Variants in SEMA3B observed in about 807,000 individuals in gnomAD.
The protein encoded by SEMA3B is semaphorin-3B.
Under a neutral mutation model 77.8 loss-of-function variants are expected in SEMA3B, and 71 were observed. The observed-to-expected ratio is 0.91, with a 90% CI of 0.75 to 1.11. The LOEUF is 1.11. Ranked by LOEUF, SEMA3B falls within the 50% of genes most tolerant of loss-of-function variation. The pLI, the probability that SEMA3B is intolerant of heterozygous loss-of-function variation, is 0.00. For synonymous variants in SEMA3B, 470 were observed against 452.9 expected, an observed-to-expected ratio of 1.04 and a Z score of -0.48; for missense variants, 968 against 1,056.8, an observed-to-expected ratio of 0.92 and a Z score of 1.17.
chr3:50,273,145 G>A lies in SEMA3B; in HGVS notation c.665-153G>A, dbSNP rs1407308901. On this transcript the variant is annotated intron_variant, in intron 6 of 16. Coordinates refer to ENST00000616701, the MANE Select transcript of SEMA3B (RefSeq NM_001290060.2). This position sits in a 1 kb window ranked among gnomAD's most constrained non-coding sequence, Gnocchi z 6.5. ...TGATCCTTTGGATTCGGTCCGCGCA[G>A]AGCGCCAACTGGACATGGTGCTAGA... is the stretch of plus-strand genomic sequence containing the variant. 1.6e-6 allele frequency: 2 copies of A among 1,218,304 alleles called. No homozygotes were observed. Among genetic ancestry groups the A allele is most frequent in the South Asian group, 1.6e-5 (1 of 62,916 alleles). 75.5% of individuals were successfully genotyped at this position (1,218,304 alleles called of 1,614,324 possible). A position where few individuals can be genotyped will look rare whatever the true frequency, so the allele number is the denominator to read the frequency against.
At position 50,274,043 on chromosome 3, in the gene SEMA3B, C is replaced by T; in HGVS notation, c.1123C>T (p.Pro375Ser). The change falls in exon 10 of 17, where the codon CCG (proline) becomes TCG (serine). Residue 375 changes from proline to serine, a missense_variant. Physicochemically the swap from Pro to Ser is moderately conservative, Grantham distance 74. Coordinates refer to ENST00000616701, the MANE Select transcript of SEMA3B (RefSeq NM_001290060.2). The surrounding 1 kb of genome is among the most constrained non-coding windows in gnomAD (Gnocchi z 4.7). ...GTCATACCAGGGTCGCGTCCCCTACCCGCGGCCAGGCATGGTTCGTAGCCC... is the reference window on the plus strand; with the variant it reads ...GTCATACCAGGGTCGCGTCCCCTACTCGCGGCCAGGCATGGTTCGTAGCCC... Reference protein sequence around the residue: ...WVSYQGRVPYPRPGMCPSKTF... With the variant: ...WVSYQGRVPYSRPGMCPSKTF... 6.2e-7 allele frequency: 1 copy of T among 1,613,454 alleles called. No individual in the cohort carries two copies. The highest frequency in any genetic ancestry group is 8.5e-7 in the Non-Finnish European group (1 of 1,179,726).
chr3:50,261,574 C>G, the SEMA3B span: 1 of 152,418 alleles, frequency 6.6e-6, no homozygotes, highest in Non-Finnish European at 1.5e-5. Context: ...GCCTAGACAC[C>G]CCCCCTGTAC....
chr3:50,273,236 G>A lies in SEMA3B; in HGVS notation c.665-62G>A, dbSNP rs1218280204. 3.2e-6 allele frequency: 5 copies of A among 1,556,330 alleles called. No homozygotes were observed. The highest frequency in any genetic ancestry group is 4.3e-6 in the Non-Finnish European group (5 of 1,149,794). On this transcript the variant is annotated intron_variant, in intron 6 of 16. Transcript: ENST00000616701. This position sits in a 1 kb window ranked among gnomAD's most constrained non-coding sequence, Gnocchi z 6.5. ...GCACTACGGGAAGGGGAAGCAGCGCGTGGGTCTCGCATCAGGAGGCAAGGC... is the reference window on the plus strand; with the variant it reads ...GCACTACGGGAAGGGGAAGCAGCGCATGGGTCTCGCATCAGGAGGCAAGGC...
At position 50,270,548 on chromosome 3, in the gene SEMA3B, G is replaced by T; in HGVS notation, c.330+53G>T. On this transcript the variant is annotated intron_variant, in intron 3 of 16. Transcript: ENST00000616701. The surrounding 1 kb of genome is among the most constrained non-coding windows in gnomAD (Gnocchi z 4.7). ...TGGGGAGGGTCAGCCCCTCACCCCA[G>T]AGACAGGGCAGGGCTAAAACAGAGG... 1 of 1,610,438 alleles carries T rather than the reference G, an allele frequency of 6.2e-7. No homozygotes were observed. Among genetic ancestry groups the T allele is most frequent in the South Asian group, 1.1e-5 (1 of 91,010 alleles).
upstream of SEMA3B, among the ~76,000 whole-genome samples, chr3:50,265,075 G>A (rs1165744684): frequency 3.3e-5 from 5 of 152,192 alleles, no homozygotes; most frequent in Non-Finnish European, 7.4e-5. Context: ...CAAAAAAGGT[G>A]GGCCAGGGTT....
At chr3:50,261,513 A>C in the SEMA3B span, 3 of 152,544 alleles carry the variant, frequency 2.0e-5, no homozygotes, top group Non-Finnish European at 4.4e-5. Context: ...AGGAGAGTAG[A>C]GGGAAACTCA....
upstream of SEMA3B, among the ~76,000 whole-genome samples, chr3:50,264,195 G>C (rs2109228859): frequency 6.6e-6 from 1 of 152,018 alleles, no homozygotes; most frequent in South Asian, 2.1e-4. Context: ...GGGTGACAAA[G>C]CAAGATCCTG....
Position 50,274,810 on chromosome 3 carries a change from A to T in SEMA3B, c.1358-33A>T. 6.2e-7 allele frequency: 1 copy of T among 1,603,200 alleles called. No homozygotes were observed. The highest frequency in any genetic ancestry group is 8.5e-7 in the Non-Finnish European group (1 of 1,175,290). ...ACACTAGCCCCAGCTGTCCGGGAGC[A>T]CCAATGGTCATTACCCCTTCTCATC... On this transcript the variant is annotated intron_variant, in intron 11 of 16. Coordinates refer to ENST00000616701, the MANE Select transcript of SEMA3B (RefSeq NM_001290060.2). This position sits in a 1 kb window ranked among gnomAD's most constrained non-coding sequence, Gnocchi z 4.7.
chr3:50,263,842 G>A (rs1167260514), upstream of SEMA3B, among the ~76,000 whole-genome samples: 1 of 152,002 alleles, frequency 6.6e-6, no homozygotes, highest in African/African-American at 2.4e-5. Flanking sequence ...AGAACCCTGG[G>A]CACAGAGGGT....
At chr3:50,265,550 C>T (rs1700880664), upstream of SEMA3B, among the ~76,000 whole-genome samples, 1 of 152,230 alleles carries the variant, frequency 6.6e-6, no homozygotes, top group Admixed American at 6.5e-5. Flanking sequence ...GTAGGCCATG[C>T]CACTGACAGG....
rs1701021779 is a variant in SEMA3B, at chr3:50,270,597, G to A, written c.330+102G>A. 5.2e-6 allele frequency: 8 copies of A among 1,524,622 alleles called. No homozygotes were observed. The South Asian group carries it at 8.0e-5, about 15-fold the overall frequency. 94.4% of individuals were successfully genotyped at this position (1,524,622 alleles called of 1,614,324 possible). ...GGCCTGCCTGTTCTGGCTGGGATGAGGGCAGGGAGGTCGAGGTGGCTGAGG... is the reference window on the plus strand; with the variant it reads ...GGCCTGCCTGTTCTGGCTGGGATGAAGGCAGGGAGGTCGAGGTGGCTGAGG... On this transcript the variant is annotated intron_variant, in intron 3 of 16. Transcript: ENST00000616701. This position sits in a 1 kb window ranked among gnomAD's most constrained non-coding sequence, Gnocchi z 4.7.
At position 50,270,225 on chromosome 3, in the gene SEMA3B, G is replaced by T. The variant is rs1553705116; in HGVS notation, c.208G>T (p.Gly70Cys). The T allele has an allele frequency of 6.2e-7, 1 of 1,611,910 alleles. No individual in the cohort carries two copies. The highest frequency in any genetic ancestry group is 2.2e-5 in the East Asian group (1 of 44,848). The change falls in exon 2 of 17, where the codon GGT becomes TGT. Residue 70 changes from glycine (G) to cysteine (C), a missense_variant. Transcript: ENST00000616701. This position sits in a 1 kb window ranked among gnomAD's most constrained non-coding sequence, Gnocchi z 4.7. Reference sequence around the variant, plus strand: ...TGAGGAGCGTGGACGCCTGTTTGTGGGTGCCGAGAACCATGTGGCCTCCCT... The same window carrying T: ...TGAGGAGCGTGGACGCCTGTTTGTGTGTGCCGAGAACCATGTGGCCTCCCT... ...VDEERGRLFV[G>C]AENHVASLNL...
chr3:50,275,278 C>A lies in SEMA3B; in HGVS notation c.1492-24C>A. 1.3e-6 allele frequency: 2 copies of A among 1,523,790 alleles called. No homozygotes were observed. The highest frequency in any genetic ancestry group is 1.8e-6 in the Non-Finnish European group (2 of 1,132,966). 94.4% of individuals were successfully genotyped at this position (1,523,790 alleles called of 1,614,324 possible). A position where few individuals can be genotyped will look rare whatever the true frequency, so the allele number is the denominator to read the frequency against. ...CAGGCGTGGGGTCGCCCTCGGTCAG[C>A]CCAGAGCCCCTCGTGCCCCCTAGCA... On this transcript the variant is annotated intron_variant, in intron 13 of 16. Coordinates refer to ENST00000616701, the MANE Select transcript of SEMA3B (RefSeq NM_001290060.2). This position sits in a 1 kb window ranked among gnomAD's most constrained non-coding sequence, Gnocchi z 7.5.
chr3:50,269,866 C>T lies in SEMA3B; in HGVS notation c.110-261C>T, dbSNP rs186383509. On this transcript the variant is annotated intron_variant, in intron 1 of 16. Transcript: ENST00000616701. This position sits in a 1 kb window ranked among gnomAD's most constrained non-coding sequence, Gnocchi z 4.0. The stretch of plus-strand genomic sequence containing the variant: ...TAAGCCTTGCCTCCCAGTGCGCCCG[C>T]CTGGAGACACCACCTGTCTGAGCAT... 3.6e-4 allele frequency among the ~76,000 whole-genome samples: 55 copies of T among 152,288 alleles called. No homozygotes were observed. In the East Asian group the frequency reaches 0.01, roughly 29 times the overall value.
rs1045966795 is a variant in SEMA3B, at chr3:50,276,954, G to C, written c.*248G>C. On this transcript the variant is annotated 3_prime_UTR_variant, in exon 17 of 17. Coordinates refer to ENST00000616701, the MANE Select transcript of SEMA3B (RefSeq NM_001290060.2). The surrounding 1 kb of genome is among the most constrained non-coding windows in gnomAD (Gnocchi z 5.8). ...CAGGATTCAGCCGGAGGGAAGGGAC[G>C]GGGAAGCCGAGCTCCAGAGCAACGA... 1 of 473,492 alleles carries C rather than the reference G, an allele frequency of 2.1e-6. No individual in the cohort carries two copies. Among genetic ancestry groups the C allele is most frequent in the Non-Finnish European group, 3.6e-6 (1 of 277,604 alleles). 29.3% of individuals were successfully genotyped at this position (473,492 alleles called of 1,614,324 possible). A position where few individuals can be genotyped will look rare whatever the true frequency, so the allele number is the denominator to read the frequency against.
In SEMA3B at chr3:50,270,138, T is replaced by C. The variant is rs587767826; in HGVS notation, c.121T>C (p.Trp41Arg). 8 of 1,555,640 alleles carry C rather than the reference T, an allele frequency of 5.1e-6. No homozygotes were observed. The East Asian group carries it at 1.9e-4, about 38-fold the overall frequency. Residue 41 changes from tryptophan (W) to arginine (R), a missense_variant, in exon 2 of 17, where the codon TGG becomes CGG. Physicochemically the swap from Trp to Arg is moderately radical, Grantham distance 101. Transcript: ENST00000616701. This position sits in a 1 kb window ranked among gnomAD's most constrained non-coding sequence, Gnocchi z 4.7. ...LRLSFQELQA[W>R]HGLQTFSLER... The stretch of plus-strand genomic sequence containing the variant: ...GTCCTGCCCTGCAGAGCTCCAGGCC[T>C]GGCATGGTCTCCAGACTTTCAGCCT...
chr3:50,265,339 G>A (rs1480784724), upstream of SEMA3B, among the ~76,000 whole-genome samples: 1 of 152,202 alleles, frequency 6.6e-6, no homozygotes, highest in Admixed American at 6.5e-5. Flanking sequence ...TGAGTGGGGC[G>A]CCCAAGATCC....
Position 50,270,004 on chromosome 3 carries a change from A to G in SEMA3B, c.110-123A>G, listed in dbSNP as rs1553705060. 3 of 1,054,480 alleles carry G rather than the reference A, an allele frequency of 2.8e-6. No individual in the cohort carries two copies. Among genetic ancestry groups the G allele is most frequent in the East Asian group, 5.3e-5 (2 of 37,662 alleles). The allele number at this position is 1,054,480 out of a possible 1,614,324, so 65.3% of individuals were successfully genotyped here. Reference sequence around the variant, plus strand: ...TGCGTGTGTAAACTCACACACATGTAAACTCACATGTGTACAGGCCAGGTC... The same window carrying G: ...TGCGTGTGTAAACTCACACACATGTGAACTCACATGTGTACAGGCCAGGTC... On this transcript the variant is annotated intron_variant, in intron 1 of 16. Transcript: ENST00000616701. This position sits in a 1 kb window ranked among gnomAD's most constrained non-coding sequence, Gnocchi z 4.7.
Position 50,269,602 on chromosome 3 carries a change from G to T in SEMA3B, c.109+253G>T, listed in dbSNP as rs1397188159. Among the ~76,000 whole-genome samples, 1 of 152,186 alleles carries T rather than the reference G, an allele frequency of 6.6e-6. No homozygotes were observed. Among genetic ancestry groups the T allele is most frequent in the African/African-American group, 2.4e-5 (1 of 41,432 alleles). Reference sequence around the variant, plus strand: ...CCCCACAGCAACAGACCTTGTCTCTGTTCCGTTCAGTACCCCCAACAAGGC... The same window carrying T: ...CCCCACAGCAACAGACCTTGTCTCTTTTCCGTTCAGTACCCCCAACAAGGC... On this transcript the variant is annotated intron_variant, in intron 1 of 16. Transcript: ENST00000616701. The surrounding 1 kb of genome is among the most constrained non-coding windows in gnomAD (Gnocchi z 4.0).
Sources: gnomAD v4.1 joint callset for allele counts (sites outside exome capture counted in the v4.1 genomes callset) on GRCh38, gnomAD v4.1.1 for gene constraint, Gnocchi (gnomAD v3.1) non-coding constraint, MANE v1.5 for transcripts, NCBI Gene and HGNC (gene_info 2026-07-23, HGNC 2026-07-21) for gene names.